Variants in GALNT18 observed in about 807,000 individuals in gnomAD.
GALNT18 encodes the protein polypeptide N-acetylgalactosaminyltransferase 18, also known as GalNAc-transferase 18.
Under a neutral mutation model 69.5 loss-of-function variants are expected in GALNT18, and 44 were observed. The ratio of observed to expected loss-of-function variants is 0.63; its 90% CI spans 0.50 to 0.81. GALNT18 has a LOEUF of 0.81. Ranked by LOEUF, GALNT18 falls within the 40% of genes least tolerant of loss-of-function variation. The pLI is 0.00. For missense variants in GALNT18, 715 were observed against 810.0 expected, an observed-to-expected ratio of 0.88 and a Z score of 1.42; for synonymous variants, 364 against 318.2, an observed-to-expected ratio of 1.14 and a Z score of -1.53.
At chr11:11,486,444 G>A (rs1318008162) in intron 1 of GALNT18, among the ~76,000 whole-genome samples, 2 of 152,214 alleles carry the variant, frequency 1.3e-5, no homozygotes, top group Non-Finnish European at 2.9e-5. Flanking sequence ...CAGAGATGAG[G>A]AGTAGATCTG....
At chr11:11,323,432 AG>A (rs1440190975) in intron 9 of GALNT18, among the ~76,000 whole-genome samples, 2 of 152,210 alleles carry the variant, frequency 1.3e-5, no homozygotes, top group African/African-American at 4.8e-5. Context: ...TCAAAATCTC[AG>A]CAAGTCAAAT....
At chr11:11,440,929 C>T (rs1855520088) in intron 2 of GALNT18, among the ~76,000 whole-genome samples, 1 of 152,194 alleles carries the variant, frequency 6.6e-6, no homozygotes, top group African/African-American at 2.4e-5. Flanking sequence ...GGCGGTCACC[C>T]AGCTTATAAA....
At chr11:11,517,667 A>C (rs781181113) in intron 1 of GALNT18, among the ~76,000 whole-genome samples, 2 of 151,962 alleles carry the variant, frequency 1.3e-5, no homozygotes, top group African/African-American at 4.8e-5. Context: ...TCCCCTTGCG[A>C]GACTAGCTAC....
Position 11,602,197 on chromosome 11 carries a change from G to C in GALNT18, c.235+19162C>G, listed in dbSNP as rs1859649146. On this transcript the variant is annotated intron_variant, in intron 1 of 10. Coordinates refer to ENST00000227756, the MANE Select transcript of GALNT18 (RefSeq NM_198516.3). The surrounding 1 kb of genome is among the most constrained non-coding windows in gnomAD (Gnocchi z 4.7). ...GTGACATCCCTGCTGTATGAGTAGG[G>C]TGCTGGGTGGAGATGGTAGTCACTG... Among the ~76,000 whole-genome samples, 1 of 152,212 alleles carries C rather than the reference G, an allele frequency of 6.6e-6. No individual in the cohort carries two copies. The highest frequency in any genetic ancestry group is 2.1e-4 in the South Asian group (1 of 4,834).
At position 11,352,801 on chromosome 11, in the gene GALNT18, G is replaced by A. The variant is rs189116067; in HGVS notation, c.1093-11797C>T. On this transcript the variant is annotated intron_variant, in intron 6 of 10. Transcript: ENST00000227756. ...TGTTCAAAAACCAAGGCGGGGGTTC[G>A]TGACACAGGGTCTTTTACAATGTCT... The A allele has an allele frequency of 1.1e-5, 17 of 1,614,168 alleles. No homozygotes were observed. The East Asian group carries it at 1.3e-4, about 13-fold the overall frequency.
chr11:11,500,691 A>G lies in GALNT18; in HGVS notation c.236-51755T>C, dbSNP rs532742762. ...CCATGCACAGCACAGAGTCAGCCTCAGCACGTTTTAGCACCCACAACCCCT... is the reference window on the plus strand; with the variant it reads ...CCATGCACAGCACAGAGTCAGCCTCGGCACGTTTTAGCACCCACAACCCCT... On this transcript the variant is annotated intron_variant, in intron 1 of 10. Transcript: ENST00000227756. The surrounding 1 kb of genome is among the most constrained non-coding windows in gnomAD (Gnocchi z 5.0). Among the ~76,000 whole-genome samples, 1 of 152,218 alleles carries G rather than the reference A, an allele frequency of 6.6e-6. No homozygotes were observed. The highest frequency in any genetic ancestry group is 1.5e-5 in the Non-Finnish European group (1 of 68,030).
intron 9 of GALNT18, among the ~76,000 whole-genome samples, chr11:11,299,337 G>A (rs1028370745): frequency 6.6e-6 from 1 of 152,054 alleles, no homozygotes; most frequent in African/African-American, 2.4e-5. Context: ...GTAGGGACAG[G>A]GTTTCAACAT....
chr11:11,566,545 T>C (rs1013707472), intron 1 of GALNT18, among the ~76,000 whole-genome samples: 4 of 152,258 alleles, frequency 2.6e-5, no homozygotes, highest in Non-Finnish European at 5.9e-5. Context: ...GTGTCTTCGA[T>C]CTGCAGAAGT....
chr11:11,289,511 G>C (rs7128418), intron 10 of GALNT18, among the ~76,000 whole-genome samples: 28,574 of 152,104 alleles, frequency 0.19, 2,757 homozygotes, highest in South Asian at 0.26. Flanking sequence ...CCATGCCCTG[G>C]GATAAGGGAA....
intron 6 of GALNT18, among the ~76,000 whole-genome samples, chr11:11,354,295 A>G (rs1453066203): frequency 6.6e-6 from 1 of 152,212 alleles, no homozygotes; most frequent in Non-Finnish European, 1.5e-5. Flanking sequence ...TTCATTTCCC[A>G]GGTGAGCAAA....
At position 11,463,809 on chromosome 11, in the gene GALNT18, T is replaced by C. The variant is rs1335123441; in HGVS notation, c.236-14873A>G. Among the ~76,000 whole-genome samples the C allele has an allele frequency of 1.3e-5, 2 of 152,194 alleles. No homozygotes were observed. Among genetic ancestry groups the C allele is most frequent in the Non-Finnish European group, 2.9e-5 (2 of 68,040 alleles). On this transcript the variant is annotated intron_variant, in intron 1 of 10. Coordinates refer to ENST00000227756, the MANE Select transcript of GALNT18 (RefSeq NM_198516.3). The surrounding 1 kb of genome is among the most constrained non-coding windows in gnomAD (Gnocchi z 4.2). ...TCTTGAGCATGACGGTAAAAATATT[T>C]ATCACATGAAAGATGTGAAACCTTT...
rs565008960 is a variant in GALNT18, at chr11:11,591,604, C to T, written c.235+29755G>A. On this transcript the variant is annotated intron_variant, in intron 1 of 10. Transcript: ENST00000227756. The surrounding 1 kb of genome is among the most constrained non-coding windows in gnomAD (Gnocchi z 4.8). ...TCTGCCCACAAGGAAAGCAGCCCCC[C>T]CAGTGAGTCCTGCTGTCATTTTAAA... Among the ~76,000 whole-genome samples the T allele has an allele frequency of 6.6e-6, 1 of 152,190 alleles. No individual in the cohort carries two copies. Among genetic ancestry groups the T allele is most frequent in the Non-Finnish European group, 1.5e-5 (1 of 68,022 alleles).
chr11:11,308,599 G>T (rs1279522672), intron 9 of GALNT18, among the ~76,000 whole-genome samples: 1 of 152,060 alleles, frequency 6.6e-6, no homozygotes, highest in Non-Finnish European at 1.5e-5. Context: ...TTTTGAATCT[G>T]CTGAGTCTCT....
In GALNT18 at chr11:11,554,721, C is replaced by T. The variant is rs139738073; in HGVS notation, c.235+66638G>A. Among the ~76,000 whole-genome samples, 58 of 152,246 alleles carry T rather than the reference C, an allele frequency of 3.8e-4. No individual in the cohort carries two copies. In the South Asian group the frequency reaches 7.3e-3, roughly 19 times the overall value. On this transcript the variant is annotated intron_variant, in intron 1 of 10. Transcript: ENST00000227756. ...CTTTTGGGAACTGATGCTATCTCAC[C>T]GGCTATGTTGGAAGAAGTGTGGCTG...
chr11:11,529,421 G>C (rs1241239148), intron 1 of GALNT18, among the ~76,000 whole-genome samples: 1 of 152,148 alleles, frequency 6.6e-6, no homozygotes, highest in Non-Finnish European at 1.5e-5. Context: ...CCTGCTTTCA[G>C]ACTCTAAATG....
At chr11:11,323,473 C>T (rs1333881960) in intron 9 of GALNT18, among the ~76,000 whole-genome samples, 3 of 152,312 alleles carry the variant, frequency 2.0e-5, no homozygotes, top group African/African-American at 4.8e-5. Flanking sequence ...CAAGAATAAC[C>T]CTCTTTGGCT....
At position 11,280,864 on chromosome 11, in the gene GALNT18, C is replaced by G. The variant is rs555670372; in HGVS notation, c.1678-9574G>C. Reference sequence around the variant, plus strand: ...CAAACTGTGGTCCACCTTGGGTGCCCATCCTGTCCCTTAGAAGCTAGACTC... The same window carrying G: ...CAAACTGTGGTCCACCTTGGGTGCCGATCCTGTCCCTTAGAAGCTAGACTC... On this transcript the variant is annotated intron_variant, in intron 10 of 10. Transcript: ENST00000227756. Among the ~76,000 whole-genome samples, 7 of 152,166 alleles carry G rather than the reference C, an allele frequency of 4.6e-5. No individual in the cohort carries two copies. The South Asian group carries it at 1.4e-3, about 31-fold the overall frequency.
chr11:11,272,250 G>A (rs907083802), intron 10 of GALNT18, among the ~76,000 whole-genome samples: 1 of 152,202 alleles, frequency 6.6e-6, no homozygotes, highest in Non-Finnish European at 1.5e-5. Flanking sequence ...CAGCATCCAA[G>A]TAAGCCTCAA....
At chr11:11,328,625 C>A (rs920184591) in intron 8 of GALNT18, among the ~76,000 whole-genome samples, 1 of 152,162 alleles carries the variant, frequency 6.6e-6, no homozygotes, top group Non-Finnish European at 1.5e-5. Flanking sequence ...ACCTTAATCC[C>A]AAACTTGCAG....
Sources: gnomAD v4.1 joint callset for allele counts (sites outside exome capture counted in the v4.1 genomes callset) on GRCh38, gnomAD v4.1.1 for gene constraint, Gnocchi (gnomAD v3.1) non-coding constraint, MANE v1.5 for transcripts, NCBI Gene and HGNC (gene_info 2026-07-23, HGNC 2026-07-21) for gene names.